ABR: variants seen among roughly 807,000 people sequenced by gnomAD.
ABR encodes the protein active breakpoint cluster region-related protein.
A neutral mutation model predicts 107.2 loss-of-function variants in ABR; 35 were observed. That is an observed-to-expected ratio of 0.33 (90% CI 0.25 to 0.43). ABR has a LOEUF of 0.43. Ranked by LOEUF, ABR falls within the 20% of genes least tolerant of loss-of-function variation. ABR has a pLI of 1.00. For synonymous variants in ABR, 498 were observed against 462.0 expected, an observed-to-expected ratio of 1.08 and a Z score of -1.00; for missense variants, 815 against 1,115.2, an observed-to-expected ratio of 0.73 and a Z score of 3.83.
At chr17:1,125,503 G>A (rs1308425487) in intron 1 of ABR, 136 bp from the exon 2 acceptor site, 1 of 869,206 alleles carries the variant, frequency 1.2e-6, no homozygotes, top group South Asian at 1.9e-5. Flanking sequence ...CCGGGCGGGG[G>A]CTGTGCGGGG....
In ABR at chr17:1,176,532, T is replaced by A. The variant is rs140582227; in HGVS notation, c.61+3135A>T. On this transcript the variant is annotated intron_variant, in intron 1 of 22. Transcript: ENST00000302538. ...TGTAAGAGTTGCAGAGTTGTGAGAT[T>A]TGGAGAGAATGGATAGAAAGTGCCT... Among the ~76,000 whole-genome samples the A allele has an allele frequency of 2.2e-3, 335 of 152,300 alleles. 3 individuals are homozygous for A. The highest frequency in any genetic ancestry group is 7.5e-3 in the African/African-American group (311 of 41,568).
chr17:1,091,618 C>T, intron 4 of ABR, 47 bp downstream of exon 4: 1 of 1,582,376 alleles, frequency 6.3e-7, no homozygotes, highest in Non-Finnish European at 8.6e-7. Context: ...ACACTATGGG[C>T]TCCACTGAGG....
intron 1 of ABR, among the ~76,000 whole-genome samples, chr17:1,216,388 A>G (rs1289435420): frequency 6.6e-6 from 1 of 152,094 alleles, no homozygotes; most frequent in Non-Finnish European, 1.5e-5. Flanking sequence ...CCGCAAACCC[A>G]GCTCCGAGTC....
chr17:1,012,993 G>A, intron 17 of ABR, 112 bp downstream of exon 17: 2 of 1,350,878 alleles, frequency 1.5e-6, no homozygotes, highest in African/African-American at 1.4e-5. Context: ...CTGCGGGGAG[G>A]TCGAGGCGGC....
In ABR at chr17:1,004,338, G is replaced by C. The variant is rs2069864270; in HGVS notation, c.*1742C>G. ...TTCCTCCGTGCACAGAGTATTTACT[G>C]TTCTGCCCAAGGCCACAGGAGTAAA... On this transcript the variant is annotated 3_prime_UTR_variant, in exon 23 of 23. Coordinates refer to ENST00000302538, the MANE Select transcript of ABR (RefSeq NM_021962.5). 6.6e-6 allele frequency: 1 copy of C among 152,466 alleles called. No homozygotes were observed. Among genetic ancestry groups the C allele is most frequent in the South Asian group, 2.1e-4 (1 of 4,834 alleles). The allele number at this position is 152,466 out of a possible 1,614,324, so 9.4% of individuals were successfully genotyped here.
intron 16 of ABR, among the ~76,000 whole-genome samples, chr17:1,030,809 G>C (rs2072667241): frequency 6.6e-6 from 1 of 152,232 alleles, no homozygotes; most frequent in Non-Finnish European, 1.5e-5. Flanking sequence ...CCCAGCCCTG[G>C]CCAGCCGGAC....
rs942680848 is a variant in ABR at position 1,037,106 on chromosome 17, TCCAC to T, written c.1791+12940_1791+12943del. Among the ~76,000 whole-genome samples the T allele has an allele frequency of 2.1e-5, 3 of 145,584 alleles. No homozygotes were observed. Among genetic ancestry groups the T allele is most frequent in the African/African-American group, 7.6e-5 (3 of 39,292 alleles). On this transcript the variant is annotated intron_variant, in intron 16 of 22. Coordinates refer to ENST00000302538, the MANE Select transcript of ABR (RefSeq NM_021962.5). This position sits in a 1 kb window ranked among gnomAD's most constrained non-coding sequence, Gnocchi z 4.6. The stretch of plus-strand genomic sequence containing the variant: ...ATCCTTCCATCCATCCATCCATCCA[TCCAC>T]CCACCCACCCATCCATCCAGGTGGG...
chr17:1,135,377 C>T (rs201875077), intron 1 of ABR, among the ~76,000 whole-genome samples: 8,598 of 51,274 alleles, frequency 0.17, 444 homozygotes, highest in Middle Eastern at 0.23. Context: ...TTCTTTTTGT[C>T]TTTTTTTTTT....
At chr17:1,040,145 G>A (rs904730654) in intron 16 of ABR, among the ~76,000 whole-genome samples, 4 of 152,168 alleles carry the variant, frequency 2.6e-5, no homozygotes, top group African/African-American at 4.8e-5. Context: ...TATGAAGAAC[G>A]AGAGGGGGCC....
At chr17:1,141,080 G>A (rs2040266398) in intron 1 of ABR, among the ~76,000 whole-genome samples, 1 of 152,140 alleles carries the variant, frequency 6.6e-6, no homozygotes, top group African/African-American at 2.4e-5. Flanking sequence ...GGGCAGAAGG[G>A]TCCTTGGGAA....
In ABR at chr17:1,071,854, G is replaced by A. The variant is rs1179887972; in HGVS notation, c.894+760C>T. Among the ~76,000 whole-genome samples the A allele has an allele frequency of 6.6e-6, 1 of 152,258 alleles. No individual in the cohort carries two copies. The highest frequency in any genetic ancestry group is 2.4e-5 in the African/African-American group (1 of 41,470). On this transcript the variant is annotated intron_variant, in intron 8 of 22. Transcript: ENST00000302538. This position sits in a 1 kb window ranked among gnomAD's most constrained non-coding sequence, Gnocchi z 5.1. ...CTGACACCAGTGGCTGAAAGACTGC[G>A]TGGTGGACCTGGAGAGACTCCCCAG...
chr17:1,098,184 T>G (rs1419196235), intron 3 of ABR, among the ~76,000 whole-genome samples: 1 of 152,070 alleles, frequency 6.6e-6, no homozygotes, highest in Non-Finnish European at 1.5e-5. Flanking sequence ...GCCATTCTCC[T>G]GCCTCAGCCT....
At chr17:1,096,058 G>A (rs2037402615) in intron 3 of ABR, among the ~76,000 whole-genome samples, 1 of 152,174 alleles carries the variant, frequency 6.6e-6, no homozygotes. Context: ...TCAGTTCCCA[G>A]TGTCAAGGAG....
intron 16 of ABR, 142 bp downstream of exon 16, chr17:1,049,908 G>A: frequency 4.2e-6 from 5 of 1,191,722 alleles, no homozygotes; most frequent in Non-Finnish European, 5.8e-6. Context: ...AGCAGGGAGG[G>A]GAGAACCACC....
At chr17:1,185,305 G>A (rs1019880357) in intron 1 of ABR, among the ~76,000 whole-genome samples, 15 of 152,158 alleles carry the variant, frequency 9.9e-5, no homozygotes, top group African/African-American at 3.1e-4. Flanking sequence ...CAATGCCTCC[G>A]GCCAATCTCA....
intron 1 of ABR, among the ~76,000 whole-genome samples, chr17:1,171,466 G>A (rs1323469567): frequency 6.6e-6 from 1 of 152,162 alleles, no homozygotes; most frequent in Non-Finnish European, 1.5e-5. Context: ...AAGCTGCCCG[G>A]AGTGACAAGG....
In ABR at chr17:1,200,347, G is replaced by A. The variant is rs1252630870; in HGVS notation, c.838+28446C>T. Among the ~76,000 whole-genome samples the A allele has an allele frequency of 6.6e-6, 1 of 151,792 alleles. No individual in the cohort carries two copies. Among genetic ancestry groups the A allele is most frequent in the African/African-American group, 2.4e-5 (1 of 41,264 alleles). ...AAGCCAGGAGTTCAAGACCAGCCTG[G>A]GCAACATAGCAAGACACTGTCTCCA... is the stretch of plus-strand genomic sequence containing the variant. On this transcript the variant is annotated intron_variant, in intron 1 of 22. Transcript: ENST00000574139. The surrounding 1 kb of genome is among the most constrained non-coding windows in gnomAD (Gnocchi z 4.1).
intron 2 of ABR, among the ~76,000 whole-genome samples, chr17:1,113,464 T>C (rs1346959250): frequency 6.6e-6 from 1 of 151,830 alleles, no homozygotes; most frequent in East Asian, 1.9e-4. Flanking sequence ...TTTTTGTATT[T>C]TTAGTAGAGA....
At chr17:1,167,819 G>A (rs1350797912) in intron 1 of ABR, among the ~76,000 whole-genome samples, 1 of 152,224 alleles carries the variant, frequency 6.6e-6, no homozygotes, top group East Asian at 1.9e-4. Context: ...GAGAAGAAAT[G>A]ACAACTGGCA....
Sources: allele counts gnomAD v4.1 joint callset (sites outside exome capture counted in the v4.1 genomes callset), GRCh38; gene constraint gnomAD v4.1.1; non-coding constraint Gnocchi (gnomAD v3.1); transcripts MANE v1.5; gene names NCBI Gene and HGNC (gene_info 2026-07-23, HGNC 2026-07-21).